PRDM6: variants seen among roughly 807,000 people sequenced by gnomAD.
The protein encoded by PRDM6 is putative histone-lysine N-methyltransferase PRDM6.
Under a neutral mutation model 60.8 loss-of-function variants are expected in PRDM6, and 25 were observed. The observed-to-expected ratio is 0.41, with a 90% CI of 0.30 to 0.57. PRDM6 has a LOEUF of 0.57. Among genes scored for constraint, PRDM6 ranks in the 20% least tolerant of loss-of-function variants. The pLI is 0.27. For synonymous variants in PRDM6, 407 were observed against 357.4 expected (o/e 1.14, Z -1.57); for missense variants, 839 against 821.3 (o/e 1.02, Z -0.26).
In PRDM6 at chr5:123,090,442, C is replaced by T. The variant is rs934285754; in HGVS notation, c.428C>T (p.Ser143Phe). 1.2e-5 allele frequency: 17 copies of T among 1,455,052 alleles called. No individual in the cohort carries two copies. Among genetic ancestry groups the T allele is most frequent in the Non-Finnish European group, 1.5e-5 (17 of 1,113,338 alleles). The allele number at this position is 1,455,052 out of a possible 1,614,324, so 90.1% of individuals were successfully genotyped here. The change falls in exon 2 of 8, where the codon TCC becomes TTC. Residue 143 changes from serine (S) to phenylalanine (F), a missense_variant. By Grantham distance (155) the Ser-to-Phe change is radical. Transcript: ENST00000407847. Reference protein sequence around the residue: ...PPKELCLGATSGPGPVKCGGG... With the variant: ...PPKELCLGATFGPGPVKCGGG... ...AAGGAACTGTGCCTCGGCGCCACCTCCGGCCCCGGGCCCGTCAAGTGCGGT... is the reference window on the plus strand; with the variant it reads ...AAGGAACTGTGCCTCGGCGCCACCTTCGGCCCCGGGCCCGTCAAGTGCGGT...
intron 3 of PRDM6, among the ~76,000 whole-genome samples, chr5:123,102,549 A>G (rs1204681611): frequency 6.6e-6 from 1 of 152,154 alleles, no homozygotes; most frequent in Non-Finnish European, 1.5e-5. Flanking sequence ...TTGTTTAATG[A>G]CTCATGTAAT....
In PRDM6 at chr5:123,090,272, T is replaced by A; in HGVS notation, c.258T>A (p.Ser86=). 1 of 1,109,532 alleles carries A rather than the reference T, an allele frequency of 9.0e-7. No homozygotes were observed. Among genetic ancestry groups the A allele is most frequent in the Admixed American group, 2.5e-5 (1 of 40,560 alleles). 68.7% of individuals were successfully genotyped at this position (1,109,532 alleles called of 1,614,324 possible). ...LSSASSTPAS[S]STSASSASSC... is the part of the protein sequence containing the mutation. The stretch of plus-strand genomic sequence containing the variant: ...CCGCCTCGTCCACGCCGGCTTCCTC[T>A]TCCACCTCCGCCTCCTCCGCCTCCT... The change falls in exon 2 of 8, where the codon TCT becomes TCA. Residue 86 remains serine, a synonymous_variant. Transcript: ENST00000407847.
intron 3 of PRDM6, among the ~76,000 whole-genome samples, chr5:123,143,491 G>A (rs1373705496): frequency 6.6e-6 from 1 of 152,142 alleles, no homozygotes; most frequent in East Asian, 1.9e-4. Context: ...CATAACCTCT[G>A]CAAAACAAAG....
chr5:123,097,020 A>G (rs138982111), intron 2 of PRDM6, among the ~76,000 whole-genome samples: 221 of 152,208 alleles, frequency 1.5e-3, no homozygotes, highest in African/African-American at 4.9e-3. Context: ...CATTTGCATC[A>G]TTGAGTCAAG....
chr5:123,162,169 C>G (rs1269520790), intron 5 of PRDM6, among the ~76,000 whole-genome samples: 1 of 152,154 alleles, frequency 6.6e-6, no homozygotes, highest in Admixed American at 6.5e-5. Context: ...TTAGGAAATG[C>G]ATTTCTTACC....
At chr5:123,111,029 CA>C (rs1037452156) in intron 3 of PRDM6, among the ~76,000 whole-genome samples, 49 of 152,012 alleles carry the variant, frequency 3.2e-4, no homozygotes. Context: ...TGAACTTCAG[CA>C]AAGCTATTCA....
At chr5:123,130,267 T>G (rs2407620) in intron 3 of PRDM6, among the ~76,000 whole-genome samples, 2,061 of 49,390 alleles carry the variant, frequency 0.042, 65 homozygotes, top group Non-Finnish European at 0.049. Context: ...CTTCCCTCCC[T>G]TTCCTTTCCT....
intron 3 of PRDM6, among the ~76,000 whole-genome samples, chr5:123,110,843 G>A (rs1275569255): frequency 6.6e-6 from 1 of 152,054 alleles, no homozygotes; most frequent in Non-Finnish European, 1.5e-5. Flanking sequence ...GGGATTTCAG[G>A]TGTGAGCCAC....
chr5:123,113,511 T>C (rs1374467650), intron 3 of PRDM6, among the ~76,000 whole-genome samples: 1 of 152,132 alleles, frequency 6.6e-6, no homozygotes, highest in East Asian at 1.9e-4. Context: ...CCTTGTTAGA[T>C]GTAGGCACTG....
intron 2 of PRDM6, 80 bp downstream of exon 2, chr5:123,090,686 G>T (rs1763817250): frequency 1.2e-6 from 1 of 862,106 alleles, no homozygotes; most frequent in Non-Finnish European, 1.7e-6. Flanking sequence ...TCAGGGAGGC[G>T]GGTCGGATAG....
intron 5 of PRDM6, among the ~76,000 whole-genome samples, chr5:123,167,063 G>A (rs1765768912): frequency 6.6e-6 from 1 of 152,084 alleles, no homozygotes; most frequent in Non-Finnish European, 1.5e-5. Context: ...TACCTTTAAT[G>A]GACATAGTCA....
At position 123,090,648 on chromosome 5, in the gene PRDM6, CGCCGGCGCCGGCGGGCGCGGGT is replaced by C. The variant is rs745590068; in HGVS notation, c.592+46_592+67del. 182 of 1,270,420 alleles carry C rather than the reference CGCCGGCGCCGGCGGGCGCGGGT, an allele frequency of 1.4e-4. 1 individual carries two copies. Among genetic ancestry groups the C allele is most frequent in the East Asian group, 1.2e-3 (20 of 16,694 alleles). 78.7% of individuals were successfully genotyped at this position (1,270,420 alleles called of 1,614,324 possible). A position where few individuals can be genotyped will look rare whatever the true frequency, so the allele number is the denominator to read the frequency against. ...CGCGCGCTCTCTCCCGGGGCGCCGG[CGCCGGCGCCGGCGGGCGCGGGT>C]GCCTGTCAGGGAGGCGGGTCGGATA... On this transcript the variant is annotated intron_variant, in intron 2 of 7. Coordinates refer to ENST00000407847, the MANE Select transcript of PRDM6 (RefSeq NM_001136239.4).
Position 123,090,187 on chromosome 5 carries a change from C to G in PRDM6, c.173C>G (p.Pro58Arg), listed in dbSNP as rs1159380796. 30 of 1,488,140 alleles carry G rather than the reference C, an allele frequency of 2.0e-5. No individual in the cohort carries two copies. The highest frequency in any genetic ancestry group is 4.7e-5 in the Admixed American group (2 of 42,776). 92.2% of individuals were successfully genotyped at this position (1,488,140 alleles called of 1,614,324 possible). A position where few individuals can be genotyped will look rare whatever the true frequency, so the allele number is the denominator to read the frequency against. ...CTTCAGCCGCCGCCGCCGCCCCCGC[C>G]CCCGGAGCGCGCTGAGCCTCCGCCG... ...QPLQPPPPPP[P>R]PERAEPPPDS... The change falls in exon 2 of 8, where the codon CCC becomes CGC. Residue 58 changes from proline to arginine, a missense_variant. By Grantham distance (103) the Pro-to-Arg change is moderately radical. Transcript: ENST00000407847.
chr5:123,163,692 TC>T (rs1293012619), intron 5 of PRDM6, among the ~76,000 whole-genome samples: 1 of 152,186 alleles, frequency 6.6e-6, no homozygotes, highest in African/African-American at 2.4e-5. Flanking sequence ...CCCCAAAGCT[TC>T]CAGTGGGGGA....
chr5:123,090,141 C>G lies in PRDM6; in HGVS notation c.127C>G (p.Leu43Val). The G allele has an allele frequency of 2.0e-6, 3 of 1,532,366 alleles. No individual in the cohort carries two copies. The highest frequency in any genetic ancestry group is 2.4e-5 in the South Asian group (2 of 82,852). The allele number at this position is 1,532,366 out of a possible 1,614,324, so 94.9% of individuals were successfully genotyped here. A position where few individuals can be genotyped will look rare whatever the true frequency, so the allele number is the denominator to read the frequency against. Residue 43 changes from leucine (L) to valine (V), a missense_variant, in exon 2 of 8, where the codon CTC (leucine) becomes GTC (valine). Leu to Val is a conservative substitution (Grantham distance 32). Around this residue, in one of 2 missense-constraint regions of PRDM6, gnomAD observed 730 missense variants for 648.8 expected, o/e 1.13. Coordinates refer to ENST00000407847, the MANE Select transcript of PRDM6 (RefSeq NM_001136239.4). ...GPLKGSGAAG[L>V]LSAPQPLQPP... is the part of the protein sequence containing the mutation. ...GCTCAAGGGCAGCGGCGCCGCGGGT[C>G]TCCTGAGCGCGCCGCAGCCTCTTCA...
intron 4 of PRDM6, among the ~76,000 whole-genome samples, chr5:123,157,081 C>T (rs114851496): frequency 0.013 from 1,785 of 138,500 alleles, 45 homozygotes; most frequent in African/African-American, 0.046. Context: ...TTTTTTTAAA[C>T]GAAGCTTAAG....
At chr5:123,105,383 A>G (rs1764180906) in intron 3 of PRDM6, among the ~76,000 whole-genome samples, 1 of 152,234 alleles carries the variant, frequency 6.6e-6, no homozygotes, top group Admixed American at 6.5e-5. Context: ...ATGTCATACC[A>G]TAACACTGGT....
chr5:123,109,586 G>A (rs1378692613), intron 3 of PRDM6, among the ~76,000 whole-genome samples: 1 of 152,062 alleles, frequency 6.6e-6, no homozygotes, highest in Non-Finnish European at 1.5e-5. Flanking sequence ...ACTTAGCAAT[G>A]CTTACAAATA....
In PRDM6 at chr5:123,090,172, C is replaced by T. The variant is rs915624211; in HGVS notation, c.158C>T (p.Pro53Leu). 8 of 1,490,288 alleles carry T rather than the reference C, an allele frequency of 5.4e-6. No individual in the cohort carries two copies. In the East Asian group the frequency reaches 1.2e-4, roughly 22 times the overall value. 92.3% of individuals were successfully genotyped at this position (1,490,288 alleles called of 1,614,324 possible). A position where few individuals can be genotyped will look rare whatever the true frequency, so the allele number is the denominator to read the frequency against. The change falls in exon 2 of 8, where the codon CCG becomes CTG. Residue 53 changes from proline to leucine, a missense_variant. This residue lies in a region of PRDM6 where 730 missense variants were observed against 648.8 expected (regional missense o/e 1.13). Coordinates refer to ENST00000407847, the MANE Select transcript of PRDM6 (RefSeq NM_001136239.4). The part of the protein sequence containing the change: ...LLSAPQPLQP[P>L]PPPPPPERAE... Reference sequence around the variant, plus strand: ...AGCGCGCCGCAGCCTCTTCAGCCGCCGCCGCCGCCCCCGCCCCCGGAGCGC... The same window carrying T: ...AGCGCGCCGCAGCCTCTTCAGCCGCTGCCGCCGCCCCCGCCCCCGGAGCGC...
Sources: allele counts gnomAD v4.1 joint callset (sites outside exome capture counted in the v4.1 genomes callset), GRCh38; gene constraint gnomAD v4.1.1; regional missense constraint gnomAD v4.1.1; transcripts MANE v1.5; gene names NCBI Gene and HGNC (gene_info 2026-07-23, HGNC 2026-07-21).